The following PPARGC1A variants were observed in gnomAD, a reference collection of about 807,000 sequenced individuals.
PPARGC1A encodes peroxisome proliferator-activated receptor gamma coactivator 1-alpha.
In PPARGC1A, 25 loss-of-function variants were observed where a neutral mutation model predicts 88.7. The observed-to-expected ratio is 0.28, with a 90% confidence interval of 0.21 to 0.39. The LOEUF (loss-of-function observed/expected upper bound fraction) is 0.39, where lower values mean the gene tolerates loss of function less well. PPARGC1A is among the 10% of genes least tolerant of loss of function. PPARGC1A has a pLI of 1.00. For missense variants in PPARGC1A, 880 were observed against 968.7 expected (o/e 0.91, Z 1.22); for synonymous variants, 363 against 355.6 (o/e 1.02, Z -0.24).
the PPARGC1A span, among the ~76,000 whole-genome samples, chr4:24,404,058 T>C: frequency 6.6e-6 from 1 of 151,856 alleles, no homozygotes; most frequent in Non-Finnish European, 1.5e-5. Context: ...GGTCAGGAGA[T>C]TGAGACCATC....
intron 2 of PPARGC1A, among the ~76,000 whole-genome samples, chr4:23,840,525 G>A (rs545017750): frequency 4.3e-4 from 65 of 152,032 alleles, no homozygotes; most frequent in Non-Finnish European, 5.9e-4. Flanking sequence ...CCTTCTCAGT[G>A]CAACATTTCC....
the PPARGC1A span, among the ~76,000 whole-genome samples, chr4:24,326,085 T>C: frequency 2.6e-5 from 4 of 152,026 alleles, no homozygotes; most frequent in South Asian, 4.2e-4. Flanking sequence ...CCTCTTGTAT[T>C]CTCCCACCTT....
At chr4:24,133,209 A>G in the PPARGC1A span, among the ~76,000 whole-genome samples, 1,466 of 152,170 alleles carry the variant, frequency 9.6e-3, 24 homozygotes, top group African/African-American at 0.033. Flanking sequence ...GTGGGGGGGA[A>G]GTTGCAGACT....
At chr4:24,056,783 C>T in the PPARGC1A span, among the ~76,000 whole-genome samples, 7 of 152,082 alleles carry the variant, frequency 4.6e-5, no homozygotes, top group South Asian at 2.1e-4. Flanking sequence ...CAACTATGAA[C>T]AAAAAACCTG....
the PPARGC1A span, among the ~76,000 whole-genome samples, chr4:24,047,027 TCTGA>T: frequency 6.6e-6 from 1 of 152,188 alleles, no homozygotes; most frequent in African/African-American, 2.4e-5. Flanking sequence ...GCAAGCCCAC[TCTGA>T]CTGACAAACC....
At chr4:24,193,701 G>A in the PPARGC1A span, among the ~76,000 whole-genome samples, 143,400 of 152,230 alleles carry the variant, frequency 0.94, 67,685 homozygotes, top group East Asian at 1. Flanking sequence ...GTTTTAGGAA[G>A]CCCTGGGCAT....
chr4:24,226,666 G>A, the PPARGC1A span, among the ~76,000 whole-genome samples: 223 of 152,308 alleles, frequency 1.5e-3, no homozygotes, highest in African/African-American at 4.7e-3. Flanking sequence ...AAGTCCTGGG[G>A]CTTGCCTTAC....
At chr4:24,324,818 C>T in the PPARGC1A span, among the ~76,000 whole-genome samples, 1 of 152,126 alleles carries the variant, frequency 6.6e-6, no homozygotes, top group African/African-American at 2.4e-5. Flanking sequence ...TCCCGCCTGT[C>T]CCCTCAGTCC....
chr4:24,174,666 A>AGT, the PPARGC1A span, among the ~76,000 whole-genome samples: 1 of 152,304 alleles, frequency 6.6e-6, no homozygotes, highest in Admixed American at 6.5e-5. Flanking sequence ...TTTATCCTTA[A>AGT]GTGTCAGAGC....
the PPARGC1A span, among the ~76,000 whole-genome samples, chr4:24,010,413 C>T: frequency 6.6e-6 from 1 of 152,210 alleles, no homozygotes; most frequent in Non-Finnish European, 1.5e-5. Context: ...TTGCTGCCAC[C>T]ATTTGTTCCC....
the PPARGC1A span, among the ~76,000 whole-genome samples, chr4:24,139,224 C>T: frequency 6.0e-4 from 91 of 152,004 alleles, no homozygotes; most frequent in African/African-American, 1.9e-3. Flanking sequence ...AGCTCCGCCT[C>T]CTGGGTTCAC....
At chr4:24,121,459 G>A in the PPARGC1A span, among the ~76,000 whole-genome samples, 1 of 151,986 alleles carries the variant, frequency 6.6e-6, no homozygotes, top group African/African-American at 2.4e-5. Flanking sequence ...GGAGAGTAGC[G>A]ACCACGTGAA....
At chr4:23,915,811 C>A in the PPARGC1A span, among the ~76,000 whole-genome samples, 3 of 152,120 alleles carry the variant, frequency 2.0e-5, no homozygotes, top group Non-Finnish European at 2.9e-5. Context: ...CAATTCATGA[C>A]CAGCATAAAA....
the PPARGC1A span, among the ~76,000 whole-genome samples, chr4:24,030,534 G>C: frequency 2.0e-5 from 3 of 152,234 alleles, no homozygotes; most frequent in African/African-American, 7.2e-5. Flanking sequence ...CATCTTTATG[G>C]AGATCATTAA....
At chr4:24,460,818 T>C in the PPARGC1A span, among the ~76,000 whole-genome samples, 1 of 152,248 alleles carries the variant, frequency 6.6e-6, no homozygotes, top group South Asian at 2.1e-4. Context: ...GAGTGGCTAA[T>C]TTTAATCCAC....
chr4:24,207,419 G>A, the PPARGC1A span, among the ~76,000 whole-genome samples: 1 of 152,186 alleles, frequency 6.6e-6, no homozygotes, highest in African/African-American at 2.4e-5. Context: ...TAGGTTTGAA[G>A]TGCTAAAAAT....
chr4:24,471,817 A>T, the PPARGC1A span, among the ~76,000 whole-genome samples: 2 of 151,674 alleles, frequency 1.3e-5, no homozygotes. The surrounding 1 kb of genome is among the most constrained non-coding windows in gnomAD (Gnocchi z 5.4). Flanking sequence ...CGGAGGCTCC[A>T]CTCTGCACCC....
upstream of PPARGC1A, among the ~76,000 whole-genome samples, chr4:23,900,372 G>T (rs1423695262): frequency 6.6e-6 from 1 of 151,914 alleles, no homozygotes; most frequent in African/African-American, 2.4e-5. Context: ...ATGTAGATCT[G>T]TTACTTATTA....
chr4:24,010,469 A>G, the PPARGC1A span, among the ~76,000 whole-genome samples: 25 of 152,304 alleles, frequency 1.6e-4, no homozygotes, highest in African/African-American at 6.0e-4. Context: ...AATATTTATT[A>G]AATGCCGACC....
Sources: gnomAD v4.1 joint callset for allele counts (sites outside exome capture counted in the v4.1 genomes callset) on GRCh38, gnomAD v4.1.1 for gene constraint, Gnocchi (gnomAD v3.1) non-coding constraint, MANE v1.5 for transcripts, NCBI Gene and HGNC (gene_info 2026-07-23, HGNC 2026-07-21) for gene names.